GPC6: variants seen among roughly 807,000 people sequenced by gnomAD.
The protein encoded by GPC6 is glypican 6.
Under a neutral mutation model 55.2 loss-of-function variants are expected in GPC6, and 14 were observed. The ratio of observed to expected loss-of-function variants is 0.25; its 90% CI spans 0.17 to 0.40. The LOEUF is 0.40. Ranked by LOEUF, GPC6 falls within the 10% of genes least tolerant of loss-of-function variation. The pLI, the probability that GPC6 is intolerant of heterozygous loss-of-function variation, is 1.00. For synonymous variants in GPC6, 278 were observed against 259.6 expected, an observed-to-expected ratio of 1.07 and a Z score of -0.68; for missense variants, 641 against 708.5, an observed-to-expected ratio of 0.90 and a Z score of 1.08.
chr13:94,094,229 T>C (rs1180942533), intron 4 of GPC6, among the ~76,000 whole-genome samples: 2 of 152,110 alleles, frequency 1.3e-5, no homozygotes, highest in Admixed American at 1.3e-4. Context: ...AGAGTAATTG[T>C]ACAGCTTTAA....
chr13:93,331,006 A>C (rs1879823845), intron 1 of GPC6, among the ~76,000 whole-genome samples: 1 of 152,206 alleles, frequency 6.6e-6, no homozygotes, highest in African/African-American at 2.4e-5. Flanking sequence ...GGACAGATGA[A>C]TGTAGCACTG....
At chr13:93,813,381 G>A (rs1365064064) in intron 2 of GPC6, among the ~76,000 whole-genome samples, 2 of 152,082 alleles carry the variant, frequency 1.3e-5, no homozygotes, top group African/African-American at 4.8e-5. Context: ...TCATGCCACT[G>A]TACTCCAGCC....
chr13:94,165,127 C>A (rs1888311301), intron 4 of GPC6, among the ~76,000 whole-genome samples: 1 of 151,354 alleles, frequency 6.6e-6, no homozygotes, highest in East Asian at 1.9e-4. Context: ...TTCACAATTG[C>A]AAAAATATGG....
At chr13:93,401,028 C>T (rs540770786) in intron 1 of GPC6, among the ~76,000 whole-genome samples, 1 of 152,198 alleles carries the variant, frequency 6.6e-6, no homozygotes, top group East Asian at 1.9e-4. Flanking sequence ...CACTTTCCTC[C>T]TTGCTTTTTG....
chr13:94,183,044 C>T (rs1165231585), intron 4 of GPC6, among the ~76,000 whole-genome samples: 1 of 152,214 alleles, frequency 6.6e-6, no homozygotes, highest in Non-Finnish European at 1.5e-5. Flanking sequence ...TCCCAAAGTA[C>T]TGAGATTATA....
At chr13:93,943,723 C>G (rs1005195638) in intron 3 of GPC6, among the ~76,000 whole-genome samples, 6 of 152,124 alleles carry the variant, frequency 3.9e-5, no homozygotes, top group African/African-American at 1.4e-4. Flanking sequence ...AGTCCTGTTT[C>G]TCACTGTTTC....
At chr13:93,545,461 A>G (rs202173648) in intron 2 of GPC6, 40 bp downstream of exon 2, 2 of 1,531,918 alleles carry the variant, frequency 1.3e-6, no homozygotes, top group African/African-American at 2.7e-5. Flanking sequence ...TTATAGGTGC[A>G]CTTTTCTATG....
chr13:94,212,637 CT>C (rs1423360397), intron 4 of GPC6, among the ~76,000 whole-genome samples: 2 of 152,178 alleles, frequency 1.3e-5, no homozygotes, highest in African/African-American at 4.8e-5. Flanking sequence ...TCACCCATAT[CT>C]TAACCTTGTC....
chr13:94,032,816 G>C (rs769057054), intron 4 of GPC6, among the ~76,000 whole-genome samples: 1 of 152,156 alleles, frequency 6.6e-6, no homozygotes, highest in Admixed American at 6.5e-5. Context: ...TTATTAAGTT[G>C]CCAGGCAGCC....
intron 2 of GPC6, among the ~76,000 whole-genome samples, chr13:93,782,831 G>A (rs536187370): frequency 4.6e-5 from 7 of 152,040 alleles, no homozygotes; most frequent in Admixed American, 1.3e-4. Context: ...AGGATTCTGG[G>A]TAATATTTAT....
At chr13:93,635,611 G>C (rs192709404) in intron 2 of GPC6, among the ~76,000 whole-genome samples, 10 of 152,256 alleles carry the variant, frequency 6.6e-5, no homozygotes, top group African/African-American at 9.6e-5. Context: ...TTCATTAAAG[G>C]CATACTCAGA....
At chr13:94,091,356 A>C (rs749723496) in intron 4 of GPC6, among the ~76,000 whole-genome samples, 7 of 151,890 alleles carry the variant, frequency 4.6e-5, no homozygotes, top group Non-Finnish European at 8.8e-5. Context: ...AAACAAAGAA[A>C]ACTGAGAGGA....
At chr13:93,579,087 A>C (rs1876810340) in intron 2 of GPC6, among the ~76,000 whole-genome samples, 1 of 152,100 alleles carries the variant, frequency 6.6e-6, no homozygotes, top group African/African-American at 2.4e-5. Context: ...TAGCTACCAG[A>C]GGCTAGGAAG....
chr13:93,497,020 C>T (rs1162926929), intron 1 of GPC6, among the ~76,000 whole-genome samples: 1 of 152,092 alleles, frequency 6.6e-6, no homozygotes, highest in African/African-American at 2.4e-5. Flanking sequence ...GCTTTCGATG[C>T]GTTAATCCGA....
chr13:94,153,646 T>C (rs752149504), intron 4 of GPC6, among the ~76,000 whole-genome samples: 6 of 152,126 alleles, frequency 3.9e-5, no homozygotes, highest in African/African-American at 9.7e-5. Context: ...TTCTTAGAAA[T>C]TGAGAGTCAC....
intron 4 of GPC6, among the ~76,000 whole-genome samples, chr13:94,111,433 C>A (rs899245659): frequency 2.0e-5 from 3 of 150,330 alleles, no homozygotes; most frequent in Non-Finnish European, 3.0e-5. Context: ...ATGTAACAAA[C>A]CTGCACGTTC....
At chr13:93,540,445 A>C (rs1882247098) in intron 1 of GPC6, among the ~76,000 whole-genome samples, 1 of 152,150 alleles carries the variant, frequency 6.6e-6, no homozygotes, top group Non-Finnish European at 1.5e-5. Context: ...TATCATTTTC[A>C]AGAATAATGC....
At chr13:94,341,919 A>G (rs759504755) in intron 6 of GPC6, among the ~76,000 whole-genome samples, 4 of 152,244 alleles carry the variant, frequency 2.6e-5, no homozygotes, top group African/African-American at 4.8e-5. Context: ...TATGTAATGT[A>G]GGAAATATCT....
intron 2 of GPC6, among the ~76,000 whole-genome samples, chr13:93,602,626 T>C (rs1375829482): frequency 3.3e-5 from 5 of 152,206 alleles, no homozygotes; most frequent in Admixed American, 3.3e-4. Context: ...ATACATCACC[T>C]TCTCTAGGAA....
Sources: allele counts gnomAD v4.1 joint callset (sites outside exome capture counted in the v4.1 genomes callset), GRCh38; gene constraint gnomAD v4.1.1; transcripts MANE v1.5; gene names NCBI Gene and HGNC (gene_info 2026-07-23, HGNC 2026-07-21).